Variants in ZNF169 observed in about 807,000 individuals in gnomAD.
ZNF169 encodes the protein zinc finger protein 169.
ZNF169 carries 11 observed loss-of-function variants against 12.0 expected under a neutral mutation model. That is an observed-to-expected ratio of 0.92 (90% CI 0.58 to 1.52). The LOEUF (loss-of-function observed/expected upper bound fraction) is 1.52, where lower values mean the gene tolerates loss of function less well. ZNF169 is among the 40% of genes most tolerant of loss of function. ZNF169 has a pLI of 0.00. For synonymous variants in ZNF169, 302 were observed against 286.5 expected (o/e 1.05, Z -0.55); for missense variants, 722 against 744.0 (o/e 0.97, Z 0.34).
Position 94,300,199 on chromosome 9 carries a change from G to T in ZNF169, c.641G>T (p.Arg214Leu). ...ADTSESGAVI[R>L]GNYRLGLSKK... ...ACTTCAGAATCTGGAGCAGTCATAC[G>T]TGGAAACTATAGACTGGGACTTAGC... Residue 214 changes from arginine (R) to leucine (L), a missense_variant, in exon 5 of 5, where the codon CGT becomes CTT. Transcript: ENST00000395395. 6.2e-7 allele frequency: 1 copy of T among 1,614,188 alleles called. No homozygotes were observed. Among genetic ancestry groups the T allele is most frequent in the Non-Finnish European group, 8.5e-7 (1 of 1,180,036 alleles).
At chr9:94,267,409 A>G (rs1057301622) in intron 1 of ZNF169, among the ~76,000 whole-genome samples, 1 of 152,204 alleles carries the variant, frequency 6.6e-6, no homozygotes, top group East Asian at 1.9e-4. Flanking sequence ...TAAAACAACC[A>G]GTTTTTCCAA....
intron 1 of ZNF169, among the ~76,000 whole-genome samples, chr9:94,273,781 G>A (rs1032130411): frequency 1.8e-4 from 27 of 152,036 alleles, no homozygotes; most frequent in Admixed American, 4.6e-4. Flanking sequence ...GGGTTTCACC[G>A]TGTTAGCCAG....
At chr9:94,262,210 G>T (rs1830218461) in intron 1 of ZNF169, among the ~76,000 whole-genome samples, 1 of 152,116 alleles carries the variant, frequency 6.6e-6, no homozygotes, top group Admixed American at 6.6e-5. Flanking sequence ...GCTCCTCATG[G>T]GTCACTGACA....
chr9:94,289,589 A>G (rs1830789507), intron 2 of ZNF169, among the ~76,000 whole-genome samples: 1 of 152,242 alleles, frequency 6.6e-6, no homozygotes, highest in Admixed American at 6.5e-5. Flanking sequence ...CAGGAGTTCA[A>G]GACCAGCCTG....
intron 4 of ZNF169, chr9:94,295,347 T>C (rs1362213834): frequency 1.3e-5 from 2 of 151,976 alleles, no homozygotes; most frequent in African/African-American, 4.8e-5. Flanking sequence ...TAAAGTAAAA[T>C]AATGATAAAA....
intron 2 of ZNF169, among the ~76,000 whole-genome samples, chr9:94,287,542 T>C (rs1228889064): frequency 2.0e-5 from 3 of 152,112 alleles, no homozygotes; most frequent in Admixed American, 6.5e-5. Flanking sequence ...CTTTTTGTAT[T>C]TTTAGTAGAG....
At chr9:94,298,758 C>G (rs570048477) in intron 4 of ZNF169, among the ~76,000 whole-genome samples, 2 of 148,186 alleles carry the variant, frequency 1.3e-5, no homozygotes, top group East Asian at 4.0e-4. Context: ...AGAACTTAGT[C>G]AATAATTACC....
At chr9:94,281,277 T>C (rs981646664) in intron 2 of ZNF169, among the ~76,000 whole-genome samples, 8 of 152,250 alleles carry the variant, frequency 5.3e-5, no homozygotes, top group South Asian at 2.1e-4. Context: ...TACTTTGTTA[T>C]GCATCAGATC....
intron 2 of ZNF169, among the ~76,000 whole-genome samples, chr9:94,283,450 G>T (rs1830674153): frequency 6.6e-6 from 1 of 152,144 alleles, no homozygotes; most frequent in Non-Finnish European, 1.5e-5. Context: ...CCAGGCCTCT[G>T]TCCTTCCCCA....
In ZNF169 at chr9:94,292,245, G is replaced by A. The variant is rs1324091603; in HGVS notation, c.34-96G>A. On this transcript the variant is annotated intron_variant, in intron 2 of 4. Transcript: ENST00000395395. The stretch of plus-strand genomic sequence containing the variant: ...CTGTAAATCTCACTTGGGTGCTCTA[G>A]GACTGCTTCTTTCTGCCTTGACTGT... The A allele has an allele frequency of 2.5e-6, 4 of 1,606,624 alleles. No homozygotes were observed. In the Admixed American group the frequency reaches 5.0e-5, roughly 20 times the overall value.
intron 2 of ZNF169, among the ~76,000 whole-genome samples, chr9:94,289,289 C>CCACAGG (rs1830781931): frequency 1.3e-5 from 2 of 151,876 alleles, no homozygotes; most frequent in Admixed American, 1.3e-4. Context: ...GTCCCAGCAA[C>CCACAGG]TTGGGAGGCT....
chr9:94,300,649 A>G lies in ZNF169; in HGVS notation c.1091A>G (p.His364Arg). 2 of 1,614,178 alleles carry G rather than the reference A, an allele frequency of 1.2e-6. No individual in the cohort carries two copies. The highest frequency in any genetic ancestry group is 1.7e-6 in the Non-Finnish European group (2 of 1,180,020). The change falls in exon 5 of 5, where the codon CAC becomes CGC. Residue 364 changes from histidine (H) to arginine (R), a missense_variant. Transcript: ENST00000395395. Reference protein sequence around the residue: ...GFCQKASLLQHQSSHTGERPF... With the variant: ...GFCQKASLLQRQSSHTGERPF... ...TGCCAGAAGGCATCACTCCTCCAGCACCAGAGCTCACACACAGGGGAGAGG... is the reference window on the plus strand; with the variant it reads ...TGCCAGAAGGCATCACTCCTCCAGCGCCAGAGCTCACACACAGGGGAGAGG...
chr9:94,270,947 A>G (rs1830407736), intron 1 of ZNF169, among the ~76,000 whole-genome samples: 1 of 23,432 alleles, frequency 4.3e-5, no homozygotes, highest in Admixed American at 9.4e-4. Flanking sequence ...AATATATTAT[A>G]TAAATATATA....
chr9:94,285,158 G>T (rs950988757), intron 2 of ZNF169, among the ~76,000 whole-genome samples: 3 of 152,126 alleles, frequency 2.0e-5, no homozygotes, highest in Admixed American at 6.5e-5. Context: ...GTATACAAAT[G>T]ATACTTGGAA....
intron 2 of ZNF169, among the ~76,000 whole-genome samples, 156 bp downstream of exon 2, chr9:94,279,001 T>G (rs923345047): frequency 6.6e-6 from 1 of 152,170 alleles, no homozygotes; most frequent in Non-Finnish European, 1.5e-5. Flanking sequence ...TTTGCTACAT[T>G]TATGACTCAG....
In ZNF169 at chr9:94,300,814, G is replaced by A; in HGVS notation, c.1256G>A (p.Arg419Lys). 6.2e-7 allele frequency: 1 copy of A among 1,611,738 alleles called. No homozygotes were observed. The highest frequency in any genetic ancestry group is 1.7e-4 in the Middle Eastern group (1 of 6,044). Residue 419 changes from arginine (R) to lysine (K), a missense_variant, in exon 5 of 5, where the codon AGG becomes AAG. Physicochemically the swap from Arg to Lys is conservative, Grantham distance 26 (BLOSUM62 2). Coordinates refer to ENST00000395395, the MANE Select transcript of ZNF169 (RefSeq NM_194320.4). The part of the protein sequence containing the change: ...HSFRQKVTLI[R>K]HQRTHTGEKP... ...TTTCGCCAAAAGGTCACTCTCATCA[G>A]GCACCAGAGGACACACACAGGGGAG... is the stretch of plus-strand genomic sequence containing the variant.
chr9:94,291,030 G>A lies in ZNF169; in HGVS notation c.34-1311G>A, dbSNP rs559896391. The stretch of plus-strand genomic sequence containing the variant: ...TTTTTAAACATCTACTCTGATTCTG[G>A]TCTATGGAACAGTATTCTTTTTTTT... On this transcript the variant is annotated intron_variant, in intron 2 of 4. Coordinates refer to ENST00000395395, the MANE Select transcript of ZNF169 (RefSeq NM_194320.4). Among the ~76,000 whole-genome samples the A allele has an allele frequency of 1.1e-3, 164 of 142,762 alleles. 1 individual carries two copies. Among genetic ancestry groups the A allele is most frequent in the African/African-American group, 3.5e-3 (138 of 39,022 alleles). The allele number at this position is 142,762 out of a possible 152,430, so 93.7% of individuals were successfully genotyped here.
chr9:94,261,959 T>C (rs775984744), intron 1 of ZNF169, among the ~76,000 whole-genome samples: 20 of 152,250 alleles, frequency 1.3e-4, no homozygotes, highest in Admixed American at 7.2e-4. Context: ...ACAGAATTTA[T>C]TTAGTATCAC....
chr9:94,290,121 A>C (rs999250902), intron 2 of ZNF169, among the ~76,000 whole-genome samples: 1 of 152,230 alleles, frequency 6.6e-6, no homozygotes, highest in Non-Finnish European at 1.5e-5. Flanking sequence ...AAGAAGAAAA[A>C]TCATGATTTT....
Sources: gnomAD v4.1 joint callset for allele counts (sites outside exome capture counted in the v4.1 genomes callset) on GRCh38, gnomAD v4.1.1 for gene constraint, MANE v1.5 for transcripts, NCBI Gene and HGNC (gene_info 2026-07-23, HGNC 2026-07-21) for gene names.